Variants in RABEP1 observed in about 807,000 individuals in gnomAD.
RABEP1 encodes rab GTPase-binding effector protein 1.
RABEP1 carries 51 observed loss-of-function variants against 123.4 expected under a neutral mutation model. That is an observed-to-expected ratio of 0.41 (90% confidence interval 0.33 to 0.52). RABEP1 has a LOEUF of 0.52. RABEP1 is among the 20% of genes least tolerant of loss of function. The probability of loss-of-function intolerance (pLI) is 0.16; values close to 1 mark genes in which losing one functional copy is unlikely to be tolerated. For missense variants in RABEP1, 888 were observed against 996.3 expected, an observed-to-expected ratio of 0.89 and a Z score of 1.46; for synonymous variants, 347 against 355.2, an observed-to-expected ratio of 0.98 and a Z score of 0.26.
intron 4 of RABEP1, among the ~76,000 whole-genome samples, chr17:5,335,743 T>C (rs1018849451): frequency 2.0e-5 from 3 of 152,218 alleles, no homozygotes; most frequent in African/African-American, 4.8e-5. Flanking sequence ...TGCTAAAATA[T>C]AAGCTCTGTG....
intron 1 of RABEP1, among the ~76,000 whole-genome samples, chr17:5,307,579 G>A (rs894864476): frequency 1.9e-4 from 29 of 152,114 alleles, no homozygotes; most frequent in African/African-American, 6.3e-4. Context: ...AGTACTAACC[G>A]ATATCCCCTA....
Position 5,338,096 on chromosome 17 carries a change from G to C in RABEP1, c.606G>C (p.Leu202=). The change falls in exon 5 of 18, where the codon CTG becomes CTC. Residue 202 remains leucine, a synonymous_variant. Coordinates refer to ENST00000537505, the MANE Select transcript of RABEP1 (RefSeq NM_004703.6). The part of the protein sequence containing the change: ...EKEIAALKDK[L]TEAEDKIKEL... ...AAATTGCAGCTTTGAAGGATAAACT[G>C]ACAGAGGCTGAAGACAAAATTAAAG... The C allele has an allele frequency of 6.2e-7, 1 of 1,613,432 alleles. No homozygotes were observed. Among genetic ancestry groups the C allele is most frequent in the Non-Finnish European group, 8.5e-7 (1 of 1,179,526 alleles).
intron 6 of RABEP1, among the ~76,000 whole-genome samples, chr17:5,350,217 A>G (rs1223763785): frequency 6.6e-6 from 1 of 152,078 alleles, no homozygotes; most frequent in South Asian, 2.1e-4. Flanking sequence ...CGTCTCTACT[A>G]AAAATACAAA....
intron 1 of RABEP1, among the ~76,000 whole-genome samples, chr17:5,290,098 T>C (rs1282887044): frequency 6.6e-6 from 1 of 152,228 alleles, no homozygotes; most frequent in Non-Finnish European, 1.5e-5. Flanking sequence ...AGTATTTATT[T>C]ATTTTTTGAG....
intron 15 of RABEP1, chr17:5,378,532 C>A: frequency 2.4e-6 from 1 of 421,004 alleles, no homozygotes; most frequent in Admixed American, 4.2e-5. Context: ...CTTAGAGGTA[C>A]AGTAGAAATA....
intron 1 of RABEP1, among the ~76,000 whole-genome samples, chr17:5,292,990 TATTA>T (rs1224753890): frequency 6.6e-6 from 1 of 152,170 alleles, no homozygotes; most frequent in Non-Finnish European, 1.5e-5. Flanking sequence ...TTCATTTTCT[TATTA>T]ATTTATAAAT....
intron 12 of RABEP1, among the ~76,000 whole-genome samples, chr17:5,372,363 T>A (rs528673803): frequency 1.3e-5 from 2 of 152,230 alleles, no homozygotes; most frequent in Admixed American, 1.3e-4. Flanking sequence ...GAGAATCACT[T>A]GAACCGGGAC....
At chr17:5,378,144 G>A (rs1567555097) in intron 14 of RABEP1, 33 bp from the exon 15 acceptor site, 1 of 1,488,664 alleles carries the variant, frequency 6.7e-7, no homozygotes, top group Non-Finnish European at 9.3e-7. Context: ...AATAATAGAT[G>A]AATGCTAATA....
chr17:5,346,995 C>T, intron 6 of RABEP1, 70 bp downstream of exon 6: 1 of 1,221,576 alleles, frequency 8.2e-7, no homozygotes, highest in Non-Finnish European at 1.1e-6. Flanking sequence ...TGACTAATAA[C>T]AGTGACAAAT....
At chr17:5,317,840 G>A (rs8081811) in intron 2 of RABEP1, among the ~76,000 whole-genome samples, 43,800 of 151,664 alleles carry the variant, frequency 0.29, 6,568 homozygotes, top group African/African-American at 0.38. Context: ...TCCAGGGAGA[G>A]GAGAGGAGCT....
Position 5,343,670 on chromosome 17 carries a change from C to CTTTTTT in RABEP1, c.649-3102_649-3097dup, listed in dbSNP as rs753410845. Among the ~76,000 whole-genome samples, 172 of 99,886 alleles carry CTTTTTT rather than the reference C, an allele frequency of 1.7e-3. 4 individuals carry two copies. Among genetic ancestry groups the CTTTTTT allele is most frequent in the Middle Eastern group, 6.5e-3 (1 of 154 alleles). 65.5% of individuals were successfully genotyped at this position (99,886 alleles called of 152,430 possible). ...AAAAAGATTTCTTTCTTTCTTTTCT[C>CTTTTTT]TTTTTTTTTTTTTTTTTTTTTTTGA... On this transcript the variant is annotated intron_variant, in intron 5 of 17. Coordinates refer to ENST00000537505, the MANE Select transcript of RABEP1 (RefSeq NM_004703.6).
chr17:5,306,082 A>G (rs1309884770), intron 1 of RABEP1, among the ~76,000 whole-genome samples: 1 of 152,206 alleles, frequency 6.6e-6, no homozygotes, highest in East Asian at 1.9e-4. Context: ...ATGGGGCTAT[A>G]TCCCATTATA....
At chr17:5,342,144 G>A (rs970348030) in intron 5 of RABEP1, among the ~76,000 whole-genome samples, 5 of 152,010 alleles carry the variant, frequency 3.3e-5, no homozygotes, top group African/African-American at 9.7e-5. Context: ...TAAGATAATT[G>A]TTTTTCTATG....
intron 10 of RABEP1, 106 bp downstream of exon 10, chr17:5,363,122 T>C: frequency 1.3e-6 from 1 of 792,078 alleles, no homozygotes; most frequent in Non-Finnish European, 2.1e-6. Flanking sequence ...TTATGAAGCA[T>C]ATCCATCTTG....
intron 1 of RABEP1, among the ~76,000 whole-genome samples, chr17:5,294,401 A>G (rs1412603932): frequency 2.0e-5 from 3 of 152,002 alleles, no homozygotes; most frequent in Non-Finnish European, 4.4e-5. Flanking sequence ...AACCAATAAA[A>G]CAATAAGAAT....
At chr17:5,341,918 A>T (rs1177504483) in intron 5 of RABEP1, among the ~76,000 whole-genome samples, 1 of 152,254 alleles carries the variant, frequency 6.6e-6, no homozygotes, top group Non-Finnish European at 1.5e-5. Context: ...TGGCAAACAT[A>T]GTTAAGGGTG....
In RABEP1 at chr17:5,365,220, C is replaced by G; in HGVS notation, c.1767C>G (p.Ser589Arg). 1 of 1,607,386 alleles carries G rather than the reference C, an allele frequency of 6.2e-7. No individual in the cohort carries two copies. Among genetic ancestry groups the G allele is most frequent in the Non-Finnish European group, 8.5e-7 (1 of 1,177,476 alleles). ...TGGAAGACTTCATAAAGCAAAGCAG[C>G]GAAGATTCGAGTCACCAGGTAAGGG... ...QELEDFIKQS[S>R]EDSSHQISAL... The change falls in exon 11 of 18, where the codon AGC becomes AGG. Residue 589 changes from serine to arginine, a missense_variant. Ser to Arg is a moderately radical substitution (Grantham distance 110). Transcript: ENST00000537505.
At position 5,360,493 on chromosome 17, in the gene RABEP1, C is replaced by T. The variant is rs559197719; in HGVS notation, c.1096-715C>T. 5.9e-5 allele frequency among the ~76,000 whole-genome samples: 9 copies of T among 152,322 alleles called. No homozygotes were observed. The South Asian group carries it at 1.4e-3, about 25-fold the overall frequency. On this transcript the variant is annotated intron_variant, in intron 8 of 17. Transcript: ENST00000537505. ...AGGAGAATGGCGTGAGCCCGGGAGG[C>T]GGAGCTTGCAGTGAGCGGAGATCGC...
At chr17:5,323,303 G>C (rs766349802) in intron 2 of RABEP1, among the ~76,000 whole-genome samples, 4 of 152,112 alleles carry the variant, frequency 2.6e-5, no homozygotes, top group Non-Finnish European at 5.9e-5. Context: ...TCTGGAACAA[G>C]GACGCCCACT....
Sources: gnomAD v4.1 joint callset for allele counts (sites outside exome capture counted in the v4.1 genomes callset) on GRCh38, gnomAD v4.1.1 for gene constraint, MANE v1.5 for transcripts, NCBI Gene and HGNC (gene_info 2026-07-23, HGNC 2026-07-21) for gene names.